Variants in AR observed in about 807,000 individuals in gnomAD.
AR encodes the protein androgen receptor.
A neutral mutation model predicts 53.9 loss-of-function variants in AR; 8 were observed. The ratio of observed to expected loss-of-function variants is 0.15; its 90% CI spans 0.09 to 0.27. The LOEUF (loss-of-function observed/expected upper bound fraction) is 0.27. Among genes scored for constraint, AR ranks in the 10% least tolerant of loss-of-function variants. The probability of loss-of-function intolerance (pLI) is 1.00; values close to 1 mark genes in which losing one functional copy is unlikely to be tolerated. For missense variants in AR, 639 were observed against 742.5 expected, an observed-to-expected ratio of 0.86 and a Z score of 1.62; for synonymous variants, 359 against 316.4, an observed-to-expected ratio of 1.13 and a Z score of -1.43.
rs2076170375 is a variant in AR at position 67,729,145 on chromosome X, C to T, written c.*5304C>T. The T allele has an allele frequency of 5.7e-6, 1 of 174,790 alleles. No individual in the cohort carries two copies. Among genetic ancestry groups the T allele is most frequent in the African/African-American group, 2.9e-5 (1 of 34,167 alleles). 14.4% of individuals were successfully genotyped at this position (174,790 alleles called of 1,213,427 possible). A position where few individuals can be genotyped will look rare whatever the true frequency, so the allele number is the denominator to read the frequency against. ...GCTCTTGTTACTGGGTGTCTGTGTG[C>T]TGTAATTCTGGTTTTGGATATGTTC... On this transcript the variant is annotated 3_prime_UTR_variant, in exon 8 of 8. Transcript: ENST00000374690.
At position 67,682,095 on chromosome X, in the gene AR, T is replaced by C. The variant is rs112828085; in HGVS notation, c.1769-3915T>C. Among the ~76,000 whole-genome samples, 371 of 111,388 alleles carry C rather than the reference T, an allele frequency of 3.3e-3. 1 individual carries two copies. The highest frequency in any genetic ancestry group is 0.011 in the African/African-American group (349 of 30,713). On this transcript the variant is annotated intron_variant, in intron 2 of 7. Transcript: ENST00000374690. ...GTTTCTCAACACAATAAAGGCCATATCAGACAAGCCCACAGCTAACATTAT... is the reference window on the plus strand; with the variant it reads ...GTTTCTCAACACAATAAAGGCCATACCAGACAAGCCCACAGCTAACATTAT...
intron 1 of AR, among the ~76,000 whole-genome samples, chrX:67,603,475 G>C (rs1205903179): frequency 8.9e-6 from 1 of 111,838 alleles, no homozygotes; most frequent in Non-Finnish European, 1.9e-5. Context: ...GTTAGGATTT[G>C]AATAGGAGAA....
chrX:67,715,521 G>C (rs890582147), intron 4 of AR, among the ~76,000 whole-genome samples: 2 of 111,323 alleles, frequency 1.8e-5, no homozygotes, highest in African/African-American at 6.5e-5. Context: ...AATGTGTCTG[G>C]ATAATGTAGA....
intron 3 of AR, among the ~76,000 whole-genome samples, chrX:67,710,291 C>T (rs770129166): frequency 5.4e-5 from 6 of 111,476 alleles, no homozygotes; most frequent in Non-Finnish European, 7.5e-5. Flanking sequence ...ATTTGTCTAT[C>T]ACTTATATGA....
intron 1 of AR, among the ~76,000 whole-genome samples, chrX:67,573,672 T>C (rs1467932359): frequency 1.8e-5 from 2 of 111,717 alleles, no homozygotes; most frequent in Middle Eastern, 4.2e-3. Flanking sequence ...TACCACCCTT[T>C]GGCAAACAAT....
chrX:67,625,756 T>C (rs1382898966), intron 1 of AR, among the ~76,000 whole-genome samples: 1 of 111,667 alleles, frequency 9.0e-6, no homozygotes, highest in Non-Finnish European at 1.9e-5. Context: ...TAAAATGATC[T>C]CATGGTGTAT....
chrX:67,558,289 G>A (rs937622580), intron 1 of AR, among the ~76,000 whole-genome samples: 8 of 112,567 alleles, frequency 7.1e-5, no homozygotes, highest in African/African-American at 2.3e-4. Context: ...AATGTTTGCT[G>A]TGTAAACTTT....
chrX:67,578,133 T>G (rs1248695800), intron 1 of AR, among the ~76,000 whole-genome samples: 2 of 111,349 alleles, frequency 1.8e-5, no homozygotes, highest in Non-Finnish European at 3.8e-5. Context: ...TTGTGTTGTG[T>G]TTTTTTTACT....
At position 67,724,615 on chromosome X, in the gene AR, A is replaced by G. The variant is rs2147542181; in HGVS notation, c.*774A>G. ...GGCAATGGAGCATCAGTACCTGCCC[A>G]CAGCCTTGGTCCCTGGGGGCTAGAC... On this transcript the variant is annotated 3_prime_UTR_variant, in exon 8 of 8. Coordinates refer to ENST00000374690, the MANE Select transcript of AR (RefSeq NM_000044.6). The G allele has an allele frequency of 5.8e-6, 1 of 173,887 alleles. No homozygotes were observed. The highest frequency in any genetic ancestry group is 3.2e-4 in the South Asian group (1 of 3,101). 14.3% of individuals were successfully genotyped at this position (173,887 alleles called of 1,213,427 possible). A position where few individuals can be genotyped will look rare whatever the true frequency, so the allele number is the denominator to read the frequency against.
At chrX:67,616,210 A>G (rs1278163186) in intron 1 of AR, among the ~76,000 whole-genome samples, 1 of 111,191 alleles carries the variant, frequency 9.0e-6, no homozygotes, top group Non-Finnish European at 1.9e-5. Context: ...TTATTTTTTT[A>G]TTATATTTTA....
At chrX:67,658,268 G>A (rs1320664440) in intron 2 of AR, among the ~76,000 whole-genome samples, 1 of 111,995 alleles carries the variant, frequency 8.9e-6, no homozygotes, top group Non-Finnish European at 1.9e-5. Context: ...GATACAGCAT[G>A]AAAGCTGCAG....
intron 3 of AR, among the ~76,000 whole-genome samples, chrX:67,705,398 C>G (rs919505324): frequency 1.8e-5 from 2 of 111,484 alleles, no homozygotes; most frequent in Non-Finnish European, 3.8e-5. Context: ...ATTTTATTCT[C>G]TTAGAAGCAG....
At chrX:67,668,488 A>T (rs889077443) in intron 2 of AR, among the ~76,000 whole-genome samples, 2 of 110,618 alleles carry the variant, frequency 1.8e-5, no homozygotes, top group Non-Finnish European at 3.8e-5. Context: ...GGATTTTTGC[A>T]TCAGTGTTTA....
chrX:67,724,466 A>AT lies in AR; in HGVS notation c.*631dup, dbSNP rs1198937560. Reference sequence around the variant, plus strand: ...ATTGCAGGCCCATGGGGAGTTACTGATTTTTTCATCTCCTCCCTCCACGGG... The same window carrying AT: ...ATTGCAGGCCCATGGGGAGTTACTGATTTTTTTCATCTCCTCCCTCCACGGG... On this transcript the variant is annotated 3_prime_UTR_variant, in exon 8 of 8. Coordinates refer to ENST00000374690, the MANE Select transcript of AR (RefSeq NM_000044.6). 1.2e-5 allele frequency: 2 copies of AT among 173,185 alleles called. No individual in the cohort carries two copies. Among genetic ancestry groups the AT allele is most frequent in the African/African-American group, 6.0e-5 (2 of 33,494 alleles). The allele number at this position is 173,185 out of a possible 1,213,427, so 14.3% of individuals were successfully genotyped here.
chrX:67,718,281 CTGGCTGTG>C (rs2076121839), intron 5 of AR, among the ~76,000 whole-genome samples: 1 of 111,427 alleles, frequency 9.0e-6, no homozygotes. Flanking sequence ...CTACCGCTCT[CTGGCTGTG>C]TGACCTTGGT....
intron 2 of AR, among the ~76,000 whole-genome samples, chrX:67,661,193 A>G (rs775414627): frequency 9.0e-6 from 1 of 111,294 alleles, no homozygotes; most frequent in South Asian, 3.8e-4. Context: ...TTCCTAATTG[A>G]ATGCCCTTTA....
intron 1 of AR, among the ~76,000 whole-genome samples, chrX:67,563,051 T>C (rs759060878): frequency 2.3e-4 from 26 of 111,771 alleles, no homozygotes; most frequent in African/African-American, 8.1e-4. Flanking sequence ...TTGGGAACCA[T>C]GTATAGGGCA....
chrX:67,639,234 T>C (rs771079815), intron 1 of AR, among the ~76,000 whole-genome samples: 4 of 112,178 alleles, frequency 3.6e-5, no homozygotes, highest in Non-Finnish European at 7.5e-5. Context: ...GTAGTATAGT[T>C]TGAAGTCAGG....
intron 3 of AR, among the ~76,000 whole-genome samples, chrX:67,699,153 T>C (rs1224331600): frequency 1.8e-5 from 2 of 112,399 alleles, no homozygotes; most frequent in Non-Finnish European, 3.8e-5. Context: ...GCCACAAATT[T>C]AGCAGCTTCA....
Sources: gnomAD v4.1 joint callset for allele counts (sites outside exome capture counted in the v4.1 genomes callset) on GRCh38, gnomAD v4.1.1 for gene constraint, MANE v1.5 for transcripts, NCBI Gene and HGNC (gene_info 2026-07-23, HGNC 2026-07-21) for gene names.